The following IL1RAPL1 variants were observed in gnomAD, a reference collection of about 807,000 sequenced individuals.
IL1RAPL1 encodes the protein interleukin 1 receptor accessory protein like 1.
In IL1RAPL1, 3 loss-of-function variants were observed where a neutral mutation model predicts 48.4. The ratio of observed to expected loss-of-function variants is 0.06; its 90% CI spans 0.03 to 0.16. The LOEUF is 0.16. Among genes scored for constraint, IL1RAPL1 ranks in the 10% least tolerant of loss-of-function variants. The probability of loss-of-function intolerance (pLI) is 1.00; values close to 1 mark genes in which losing one functional copy is unlikely to be tolerated. For synonymous variants in IL1RAPL1, 185 were observed against 187.7 expected, an observed-to-expected ratio of 0.99 and a Z score of 0.12; for missense variants, 349 against 530.6, an observed-to-expected ratio of 0.66 and a Z score of 3.36.
chrX:28,612,725 T>A (rs1782622742), intron 1 of IL1RAPL1, among the ~76,000 whole-genome samples: 1 of 112,093 alleles, frequency 8.9e-6, no homozygotes, highest in Non-Finnish European at 1.9e-5. Context: ...GAGAGGAAAC[T>A]TTATGAGCAA....
chrX:29,502,354 T>C (rs1935284229), intron 5 of IL1RAPL1, among the ~76,000 whole-genome samples: 1 of 111,422 alleles, frequency 9.0e-6, no homozygotes, highest in African/African-American at 3.3e-5. Context: ...TCCATTATTA[T>C]ATCGAATAAA....
At chrX:28,632,939 A>G (rs1601840943) in intron 1 of IL1RAPL1, among the ~76,000 whole-genome samples, 1 of 87,937 alleles carries the variant, frequency 1.1e-5, no homozygotes, top group Non-Finnish European at 2.1e-5. Context: ...ACCAGGCTGG[A>G]GTGTGGTGGT....
intron 3 of IL1RAPL1, among the ~76,000 whole-genome samples, chrX:29,323,761 AT>A (rs1932824695): frequency 2.8e-5 from 1 of 35,833 alleles, no homozygotes; most frequent in Admixed American, 3.9e-4. Context: ...ATATATATAT[AT>A]ATATATATAT....
intron 5 of IL1RAPL1, among the ~76,000 whole-genome samples, chrX:29,453,361 A>G (rs1159385274): frequency 2.7e-5 from 3 of 111,218 alleles, no homozygotes; most frequent in Non-Finnish European, 5.7e-5. Flanking sequence ...GTTTACATGT[A>G]TATATGACTA....
intron 2 of IL1RAPL1, among the ~76,000 whole-genome samples, chrX:29,032,347 A>C (rs946488502): frequency 3.7e-4 from 42 of 112,509 alleles, no homozygotes; most frequent in Non-Finnish European, 7.1e-4. Context: ...ATTTCTAAAA[A>C]TGCAGCTTCT....
intron 3 of IL1RAPL1, among the ~76,000 whole-genome samples, chrX:29,333,409 AC>A (rs1932913684): frequency 1.4e-5 from 1 of 69,969 alleles, no homozygotes; most frequent in Admixed American, 1.6e-4. Context: ...CGGGGGGCTG[AC>A]CCCCCCACCT....
chrX:28,815,839 G>GTATA (rs61436993), intron 2 of IL1RAPL1, among the ~76,000 whole-genome samples: 969 of 28,991 alleles, frequency 0.033, 75 homozygotes, highest in Middle Eastern at 0.061. Flanking sequence ...GTGTGTTTAT[G>GTATA]TATATATATA....
At chrX:28,845,054 G>C (rs752652888) in intron 2 of IL1RAPL1, among the ~76,000 whole-genome samples, 2 of 111,880 alleles carry the variant, frequency 1.8e-5, no homozygotes, top group Non-Finnish European at 3.8e-5. Context: ...CACCTTTTCA[G>C]AAGGCTTCTC....
At chrX:29,402,063 T>G (rs1027030044) in intron 5 of IL1RAPL1, among the ~76,000 whole-genome samples, 1 of 110,933 alleles carries the variant, frequency 9.0e-6, no homozygotes, top group African/African-American at 3.3e-5. Flanking sequence ...CCAGCTAATT[T>G]TTGTATTTTT....
At chrX:29,201,816 C>T (rs1182210126) in intron 2 of IL1RAPL1, among the ~76,000 whole-genome samples, 2 of 110,756 alleles carry the variant, frequency 1.8e-5, no homozygotes, top group African/African-American at 3.3e-5. Flanking sequence ...CTCAGCCTCC[C>T]GAGTAGCTGG....
chrX:29,123,489 CTAA>C (rs1165963785), intron 2 of IL1RAPL1, among the ~76,000 whole-genome samples: 3 of 111,984 alleles, frequency 2.7e-5, no homozygotes, highest in African/African-American at 9.7e-5. Flanking sequence ...AGGCTTCCCG[CTAA>C]TAAATGGCAT....
chrX:29,279,813 GT>G (rs1464106470), intron 2 of IL1RAPL1, among the ~76,000 whole-genome samples: 1 of 112,189 alleles, frequency 8.9e-6, no homozygotes, highest in African/African-American at 3.2e-5. Flanking sequence ...CTGAAAGTGT[GT>G]AGTAATATCT....
At chrX:28,589,683 T>C (rs1933887229) in intron 1 of IL1RAPL1, among the ~76,000 whole-genome samples, 1 of 111,593 alleles carries the variant, frequency 9.0e-6, no homozygotes, top group African/African-American at 3.3e-5. Flanking sequence ...AATGAATATT[T>C]AGGGTCCTTT....
chrX:29,221,139 C>A (rs1276729983), intron 2 of IL1RAPL1, among the ~76,000 whole-genome samples: 1 of 111,508 alleles, frequency 9.0e-6, no homozygotes, highest in Non-Finnish European at 1.9e-5. Flanking sequence ...TAGTGTATAT[C>A]TGTTTCTGCT....
rs372761285 is a variant in IL1RAPL1, at chrX:29,411,683, C to T, written c.703+12375C>T. 1.3e-4 allele frequency among the ~76,000 whole-genome samples: 13 copies of T among 103,951 alleles called. No homozygotes were observed. The East Asian group carries it at 3.8e-3, about 30-fold the overall frequency. 90.3% of individuals were successfully genotyped at this position (103,951 alleles called of 115,157 possible). On this transcript the variant is annotated intron_variant, in intron 5 of 10. Transcript: ENST00000378993. ...GACCACTAGCTAAACTTATTCTTAC[C>T]TCATTGTTAAAGAAACAACTACTTT...
chrX:28,975,965 G>A (rs769623457), intron 2 of IL1RAPL1, among the ~76,000 whole-genome samples: 4 of 111,591 alleles, frequency 3.6e-5, no homozygotes, highest in Non-Finnish European at 5.6e-5. Context: ...AAATGAACAC[G>A]TATGTCATGT....
chrX:28,668,301 C>T (rs1334857354), intron 1 of IL1RAPL1, among the ~76,000 whole-genome samples: 1 of 111,572 alleles, frequency 9.0e-6, no homozygotes, highest in Non-Finnish European at 1.9e-5. Context: ...CCCTGTCGCC[C>T]AGGCTGGAGT....
intron 2 of IL1RAPL1, among the ~76,000 whole-genome samples, chrX:29,076,482 T>C (rs1927672334): frequency 8.9e-6 from 1 of 111,750 alleles, no homozygotes; most frequent in Admixed American, 9.5e-5. Flanking sequence ...CCAGGCAACT[T>C]CTATGTATTT....
intron 2 of IL1RAPL1, among the ~76,000 whole-genome samples, chrX:29,099,223 T>C (rs1928281106): frequency 8.9e-6 from 1 of 112,045 alleles, no homozygotes; most frequent in Admixed American, 9.5e-5. Flanking sequence ...AGAAGATTTT[T>C]AATCAGTAGG....
Sources: gnomAD v4.1 joint callset for allele counts (sites outside exome capture counted in the v4.1 genomes callset) on GRCh38, gnomAD v4.1.1 for gene constraint, MANE v1.5 for transcripts, NCBI Gene and HGNC (gene_info 2026-07-23, HGNC 2026-07-21) for gene names.